VAC14: variants seen among roughly 807,000 people sequenced by gnomAD.
The protein encoded by VAC14 is VAC14 component of PIKFYVE complex.
Under a neutral mutation model 85.3 loss-of-function variants are expected in VAC14, and 47 were observed. The observed-to-expected ratio is 0.55, with a 90% CI of 0.44 to 0.70. The LOEUF (loss-of-function observed/expected upper bound fraction) is 0.70. Among genes scored for constraint, VAC14 ranks in the 30% least tolerant of loss-of-function variants. The probability of loss-of-function intolerance (pLI) is 0.00; values close to 1 mark genes in which losing one functional copy is unlikely to be tolerated. For synonymous variants in VAC14, 447 were observed against 430.5 expected (o/e 1.04, Z -0.47); for missense variants, 861 against 1,004.3 (o/e 0.86, Z 1.93).
At chr16:70,726,070 C>A (rs1221342787) in intron 14 of VAC14, among the ~76,000 whole-genome samples, 2 of 152,252 alleles carry the variant, frequency 1.3e-5, no homozygotes, top group Non-Finnish European at 2.9e-5. Flanking sequence ...CAGAAGCAGG[C>A]CTTGTAAAGA....
At chr16:70,738,098 C>T (rs1567553145) in intron 13 of VAC14, among the ~76,000 whole-genome samples, 1 of 152,214 alleles carries the variant, frequency 6.6e-6, no homozygotes, top group East Asian at 1.9e-4. Context: ...GTGCTTGGCA[C>T]AGGAAGTGGT....
At chr16:70,694,698 A>T (rs921669037) in intron 17 of VAC14, among the ~76,000 whole-genome samples, 4 of 152,198 alleles carry the variant, frequency 2.6e-5, no homozygotes, top group Admixed American at 2.6e-4. Flanking sequence ...TAAGCACATA[A>T]GCGTCATTCA....
chr16:70,786,527 G>A lies in VAC14; in HGVS notation c.105-162C>T, dbSNP rs542407176. 6.7e-4 allele frequency: 574 copies of A among 854,682 alleles called. 5 individuals carry two copies. Among genetic ancestry groups the A allele is most frequent in the South Asian group, 6.7e-3 (337 of 50,494 alleles). The allele number at this position is 854,682 out of a possible 1,614,324, so 52.9% of individuals were successfully genotyped here. ...CAGTTCTGTTGCTGGCTGAGTCATC[G>A]TTGTTTCCCTATTCTGGGTCTCAGT... On this transcript the variant is annotated intron_variant, in intron 1 of 18. Coordinates refer to ENST00000261776, the MANE Select transcript of VAC14 (RefSeq NM_018052.5).
At chr16:70,714,775 A>T (rs1486879504) in intron 14 of VAC14, 1 of 152,306 alleles carries the variant, frequency 6.6e-6, no homozygotes, top group African/African-American at 2.4e-5. Flanking sequence ...ATGACACAGC[A>T]GCAAGAACCC....
At chr16:70,776,511 T>C (rs1318356317) in intron 9 of VAC14, among the ~76,000 whole-genome samples, 1 of 152,258 alleles carries the variant, frequency 6.6e-6, no homozygotes. Context: ...GTTTGGATAC[T>C]AACTCTTTAA....
intron 14 of VAC14, among the ~76,000 whole-genome samples, chr16:70,717,806 T>G (rs1349989125): frequency 6.6e-6 from 1 of 152,116 alleles, no homozygotes; most frequent in Non-Finnish European, 1.5e-5. Flanking sequence ...GCCACCATGC[T>G]CAGTTAATTA....
chr16:70,696,927 A>G (rs2053723969), intron 16 of VAC14: 2 of 505,086 alleles, frequency 4.0e-6, no homozygotes, highest in South Asian at 4.0e-5. Flanking sequence ...CTCCCCCTCC[A>G]AGAGCCCCTC....
At chr16:70,726,064 A>G (rs564564487) in intron 14 of VAC14, among the ~76,000 whole-genome samples, 2 of 152,394 alleles carry the variant, frequency 1.3e-5, no homozygotes, top group East Asian at 3.9e-4. Flanking sequence ...CCAGCACAGA[A>G]GCAGGCCTTG....
intron 12 of VAC14, among the ~76,000 whole-genome samples, chr16:70,745,870 G>A (rs952840177): frequency 6.6e-6 from 1 of 152,222 alleles, no homozygotes; most frequent in African/African-American, 2.4e-5. Flanking sequence ...GAGCCTGATG[G>A]GCAGGGCCAT....
rs768952623 is a variant in VAC14 at position 70,697,216 on chromosome 16, G to A, written c.1878C>T (p.Cys626=). Residue 626 remains cysteine, a synonymous_variant, in exon 16 of 19, where the codon TGC becomes TGT. Transcript: ENST00000261776. ...NLFCCLYRSW[C]HNPVTTVSLC... is the part of the protein sequence containing the mutation. Reference sequence around the variant, plus strand: ...GGGACACCGTGGTGACTGGGTTGTGGCACCAGGAGCGGTACAGGCAGCAGA... The same window carrying A: ...GGGACACCGTGGTGACTGGGTTGTGACACCAGGAGCGGTACAGGCAGCAGA... 2.5e-6 allele frequency: 4 copies of A among 1,613,926 alleles called. No individual in the cohort carries two copies. In the Admixed American group the frequency reaches 6.7e-5, roughly 27 times the overall value.
intron 14 of VAC14, among the ~76,000 whole-genome samples, chr16:70,731,024 G>A (rs1367858529): frequency 6.6e-6 from 1 of 152,234 alleles, no homozygotes; most frequent in Non-Finnish European, 1.5e-5. Flanking sequence ...GGTGATGACA[G>A]TTCTAGATGC....
At chr16:70,755,770 C>G (rs1212836165) in intron 12 of VAC14, among the ~76,000 whole-genome samples, 1 of 152,232 alleles carries the variant, frequency 6.6e-6, no homozygotes, top group Non-Finnish European at 1.5e-5. Context: ...GCTCTCTAAG[C>G]TGCCCTCAAA....
At position 70,762,760 on chromosome 16, in the gene VAC14, C is replaced by T; in HGVS notation, c.1305+121G>A. ...GGGCTCCTCGCAGCACCTGTCACTT[C>T]TCTGCCGGCCAGGGTTTCCCTAGAA... On this transcript the variant is annotated intron_variant, in intron 11 of 18. Transcript: ENST00000261776. This position sits in a 1 kb window ranked among gnomAD's most constrained non-coding sequence, Gnocchi z 4.1. The T allele has an allele frequency of 6.5e-7, 1 of 1,535,272 alleles. No individual in the cohort carries two copies.
chr16:70,723,299 T>C (rs1253395321), intron 14 of VAC14, among the ~76,000 whole-genome samples: 1 of 151,390 alleles, frequency 6.6e-6, no homozygotes, highest in African/African-American at 2.4e-5. Flanking sequence ...TAAAAAATAA[T>C]AGGCATGGTG....
At chr16:70,742,067 C>G (rs183770881) in intron 13 of VAC14, among the ~76,000 whole-genome samples, 1 of 152,168 alleles carries the variant, frequency 6.6e-6, no homozygotes, top group South Asian at 2.1e-4. Flanking sequence ...TCTCTGTGCC[C>G]GGGAGGAAGA....
At chr16:70,726,015 T>C (rs1043996325) in intron 14 of VAC14, among the ~76,000 whole-genome samples, 16 of 152,264 alleles carry the variant, frequency 1.1e-4, no homozygotes, top group Admixed American at 3.3e-4. Context: ...GAGGGCCGTG[T>C]TGGCAGGCAG....
At position 70,744,400 on chromosome 16, in the gene VAC14, A is replaced by G. The variant is rs751310953; in HGVS notation, c.1528+23T>C. On this transcript the variant is annotated intron_variant, in intron 13 of 18. Coordinates refer to ENST00000261776, the MANE Select transcript of VAC14 (RefSeq NM_018052.5). ...CACTGGCACTAAGGCCCCTGAGGCT[A>G]GAACCTTCAGGAGAAGACTTACCAG... The G allele has an allele frequency of 2.9e-5, 46 of 1,613,844 alleles. No homozygotes were observed. In the East Asian group the frequency reaches 8.7e-4, roughly 31 times the overall value.
At chr16:70,738,430 G>A (rs554065043) in intron 13 of VAC14, among the ~76,000 whole-genome samples, 2 of 152,332 alleles carry the variant, frequency 1.3e-5, no homozygotes, top group African/African-American at 2.4e-5. Flanking sequence ...GAGAGAAGCC[G>A]ATGGGATGCA....
At chr16:70,748,915 CAAT>C (rs1316071036) in intron 12 of VAC14, among the ~76,000 whole-genome samples, 8 of 152,050 alleles carry the variant, frequency 5.3e-5, no homozygotes, top group Non-Finnish European at 7.4e-5. Flanking sequence ...CCGGTCTGGG[CAAT>C]AGAGTGAGAC....
Sources: allele counts gnomAD v4.1 joint callset (sites outside exome capture counted in the v4.1 genomes callset), GRCh38; gene constraint gnomAD v4.1.1; non-coding constraint Gnocchi (gnomAD v3.1); transcripts MANE v1.5; gene names NCBI Gene and HGNC (gene_info 2026-07-23, HGNC 2026-07-21).